The following BRCA1 variants were observed in gnomAD, a reference collection of about 807,000 sequenced individuals.
The protein encoded by BRCA1 is breast cancer type 1 susceptibility protein.
In BRCA1, 140 loss-of-function variants were observed where a neutral mutation model predicts 173.7. The observed-to-expected ratio is 0.81, with a 90% CI of 0.70 to 0.93. The LOEUF (loss-of-function observed/expected upper bound fraction) is 0.93, where lower values mean the gene tolerates loss of function less well. BRCA1 is among the 40% of genes least tolerant of loss of function. The probability of loss-of-function intolerance (pLI) is 0.00; values close to 1 mark genes in which losing one functional copy is unlikely to be tolerated. For synonymous variants in BRCA1, 662 were observed against 756.0 expected (o/e 0.88, Z 2.04); for missense variants, 1,983 against 2,172.5 (o/e 0.91, Z 1.73).
intron 18 of BRCA1, among the ~76,000 whole-genome samples, chr17:43,059,486 C>T (rs529695290): frequency 1.6e-4 from 24 of 151,930 alleles, no homozygotes; most frequent in Non-Finnish European, 2.9e-4. Context: ...ACAACAACAA[C>T]AACAACAACA....
chr17:43,054,800 T>G (rs1162070121), intron 19 of BRCA1, among the ~76,000 whole-genome samples: 2 of 150,406 alleles, frequency 1.3e-5, no homozygotes, highest in Non-Finnish European at 3.0e-5. Flanking sequence ...TAGAGTGCAG[T>G]GGCGCAATCT....
Position 43,092,135 on chromosome 17 carries a change from G to A in BRCA1, c.3396C>T (p.Asn1132=), listed in dbSNP as rs764013144. ...TDFSPYLISD[N]LEQPMGSSHA... ...GACTACTTCCCATAGGCTGTTCTAA[G>A]TTATCTGAAATCAGATATGGAGAGA... The change falls in exon 10 of 23, where the codon AAC becomes AAT. Residue 1132 remains asparagine, a synonymous_variant. Transcript: ENST00000357654. 3.1e-6 allele frequency: 5 copies of A among 1,613,522 alleles called. No individual in the cohort carries two copies. Among genetic ancestry groups the A allele is most frequent in the Non-Finnish European group, 4.2e-6 (5 of 1,179,702 alleles).
intron 1 of BRCA1, among the ~76,000 whole-genome samples, chr17:43,150,677 G>C (rs141461629): frequency 6.6e-6 from 1 of 152,130 alleles, no homozygotes; most frequent in East Asian, 1.9e-4. Flanking sequence ...ACCTCACCCA[G>C]TCCTCTGGGA....
At chr17:43,061,100 T>G (rs1048123117) in intron 18 of BRCA1, among the ~76,000 whole-genome samples, 2 of 152,114 alleles carry the variant, frequency 1.3e-5, no homozygotes, top group African/African-American at 2.4e-5. Context: ...CACTCCAGCC[T>G]GGGGGATAGA....
chr17:43,130,614 T>C (rs1285802508), intron 1 of BRCA1, among the ~76,000 whole-genome samples: 3 of 152,220 alleles, frequency 2.0e-5, no homozygotes. Flanking sequence ...GTGCCTGGCC[T>C]GTATTATAAT....
In BRCA1 at chr17:43,093,050, T is replaced by G. The variant is rs397508970; in HGVS notation, c.2481A>C (p.Glu827Asp). 2 of 1,613,942 alleles carry G rather than the reference T, an allele frequency of 1.2e-6. No homozygotes were observed. Among genetic ancestry groups the G allele is most frequent in the East Asian group, 4.5e-5 (2 of 44,878 alleles). ...GCSKDNRNDT[E>D]GFKYPLGHEV... ...CATGTCCCAATGGATACTTAAAGCC[T>G]TCTGTGTCATTTCTATTATCTTTGG... is the stretch of plus-strand genomic sequence containing the variant. The change falls in exon 10 of 23, where the codon GAA (glutamate) becomes GAC (aspartate). Residue 827 changes from glutamate to aspartate, a missense_variant. By Grantham distance (45) the Glu-to-Asp change is conservative (BLOSUM62 2). Transcript: ENST00000357654.
chr17:43,066,970 A>C (rs962754966), intron 16 of BRCA1, among the ~76,000 whole-genome samples: 1 of 151,332 alleles, frequency 6.6e-6, no homozygotes, highest in Non-Finnish European at 1.5e-5. Flanking sequence ...GGTGCCTGCC[A>C]CCACGCCCAC....
chr17:43,101,565 C>T (rs1404410774), intron 6 of BRCA1, among the ~76,000 whole-genome samples: 1 of 151,662 alleles, frequency 6.6e-6, no homozygotes, highest in Non-Finnish European at 1.5e-5. Context: ...TGCAGTGGCG[C>T]GATCTTGGCT....
At chr17:43,141,086 C>T (rs760222938) in intron 1 of BRCA1, among the ~76,000 whole-genome samples, 4 of 152,178 alleles carry the variant, frequency 2.6e-5, no homozygotes, top group Non-Finnish European at 2.9e-5. Flanking sequence ...GAGACAGAGG[C>T]AGCCCTAGGC....
At chr17:43,120,494 G>C (rs1034958414) in intron 2 of BRCA1, among the ~76,000 whole-genome samples, 28 of 151,940 alleles carry the variant, frequency 1.8e-4, no homozygotes, top group African/African-American at 6.8e-4. Context: ...GGCCGGGCGC[G>C]GTGGCTCACG....
chr17:43,109,926 G>A (rs1433080240), intron 3 of BRCA1, among the ~76,000 whole-genome samples: 2 of 149,030 alleles, frequency 1.3e-5, no homozygotes, highest in East Asian at 2.0e-4. Context: ...ACGGAGTCTC[G>A]CTCTGTCTCT....
At chr17:43,131,337 G>T in intron 1 of BRCA1, 1 of 471,036 alleles carries the variant, frequency 2.1e-6, no homozygotes, top group Non-Finnish European at 4.2e-6. Flanking sequence ...CAGTGATATG[G>T]GCTTTAATAA....
chr17:43,080,935 A>G (rs1431545403), intron 12 of BRCA1, among the ~76,000 whole-genome samples: 1 of 152,158 alleles, frequency 6.6e-6, no homozygotes, highest in African/African-American at 2.4e-5. Context: ...TAAAAAGTTC[A>G]TTTGAGTTTC....
At position 43,100,558 on chromosome 17, in the gene BRCA1, GTA is replaced by G. The variant is rs530582154; in HGVS notation, c.442-680_442-679del. The stretch of plus-strand genomic sequence containing the variant: ...TATACATATATATGTGTGTGTGTGT[GTA>G]TATATATATATAACATATATATAAC... On this transcript the variant is annotated intron_variant, in intron 6 of 22. Coordinates refer to ENST00000357654, the MANE Select transcript of BRCA1 (RefSeq NM_007294.4). Among the ~76,000 whole-genome samples, 4,631 of 35,732 alleles carry G rather than the reference GTA, an allele frequency of 0.13. 897 individuals carry two copies. The highest frequency in any genetic ancestry group is 0.36 in the African/African-American group (3,916 of 10,992). The allele number at this position is 35,732 out of a possible 152,430, so 23.4% of individuals were successfully genotyped here. A position where few individuals can be genotyped will look rare whatever the true frequency, so the allele number is the denominator to read the frequency against.
In BRCA1 at chr17:43,093,631, G is replaced by A. The variant is rs80357056; in HGVS notation, c.1900C>T (p.Pro634Ser). Residue 634 changes from proline (P) to serine (S), a missense_variant, in exon 10 of 23, where the codon CCT (proline) becomes TCT (serine). By Grantham distance (74) the Pro-to-Ser change is moderately conservative. Transcript: ENST00000357654. ...ELVVSRNLSP[P>S]NCTELQIDSC... ...TCAATTTGCAATTCAGTACAATTAGGTGGGCTTAGATTTCTACTGACTACT... is the reference window on the plus strand; with the variant it reads ...TCAATTTGCAATTCAGTACAATTAGATGGGCTTAGATTTCTACTGACTACT... The A allele has an allele frequency of 1.2e-6, 2 of 1,613,998 alleles. No homozygotes were observed. Among genetic ancestry groups the A allele is most frequent in the African/African-American group, 1.3e-5 (1 of 74,984 alleles).
chr17:43,112,057 T>C (rs1233332005), intron 3 of BRCA1, among the ~76,000 whole-genome samples: 4 of 152,000 alleles, frequency 2.6e-5, no homozygotes, highest in Admixed American at 2.6e-4. Flanking sequence ...AGAGATTTCA[T>C]GAAAAAGTCG....
At chr17:43,105,925 G>A (rs1234985398) in intron 4 of BRCA1, among the ~76,000 whole-genome samples, 1 of 152,072 alleles carries the variant, frequency 6.6e-6, no homozygotes, top group Non-Finnish European at 1.5e-5. Flanking sequence ...GAGCTCAGGA[G>A]TTACCAGCCT....
chr17:43,085,874 G>A (rs953962744), intron 11 of BRCA1, among the ~76,000 whole-genome samples: 10 of 152,036 alleles, frequency 6.6e-5, no homozygotes, highest in African/African-American at 2.4e-4. Context: ...CATAAAACAT[G>A]TGTATTTAAT....
At chr17:43,068,555 A>G (rs1350575374) in intron 15 of BRCA1, among the ~76,000 whole-genome samples, 1 of 130,002 alleles carries the variant, frequency 7.7e-6, no homozygotes, top group Non-Finnish European at 1.8e-5. Flanking sequence ...CATGTCTTTA[A>G]AAAAAAAAAA....
Sources: gnomAD v4.1 joint callset for allele counts (sites outside exome capture counted in the v4.1 genomes callset) on GRCh38, gnomAD v4.1.1 for gene constraint, MANE v1.5 for transcripts, NCBI Gene and HGNC (gene_info 2026-07-23, HGNC 2026-07-21) for gene names.